Variants in AUH observed in about 807,000 individuals in gnomAD.
AUH encodes the protein AU RNA binding methylglutaconyl-CoA hydratase, also known as methylglutaconyl-CoA hydratase, mitochondrial.
In AUH, 29 loss-of-function variants were observed where a neutral mutation model predicts 42.3. The observed-to-expected ratio is 0.69, with a 90% CI of 0.51 to 0.93. The LOEUF is 0.93. Among genes scored for constraint, AUH ranks in the 40% least tolerant of loss-of-function variants. The pLI, the probability that AUH is intolerant of heterozygous loss-of-function variation, is 0.00. For synonymous variants in AUH, 174 were observed against 166.4 expected, an observed-to-expected ratio of 1.05 and a Z score of -0.35; for missense variants, 452 against 438.1, an observed-to-expected ratio of 1.03 and a Z score of -0.28.
intron 6 of AUH, among the ~76,000 whole-genome samples, chr9:91,222,643 C>T (rs1334414980): frequency 6.6e-6 from 1 of 152,134 alleles, no homozygotes; most frequent in Non-Finnish European, 1.5e-5. Flanking sequence ...ACGGGATAAG[C>T]TGCATGGAAA....
chr9:91,335,640 C>T lies in AUH; in HGVS notation c.419-10236G>A, dbSNP rs540950915. 2.0e-5 allele frequency among the ~76,000 whole-genome samples: 3 copies of T among 152,212 alleles called. No individual in the cohort carries two copies. The East Asian group carries it at 5.8e-4, about 29-fold the overall frequency. On this transcript the variant is annotated intron_variant, in intron 3 of 9. Transcript: ENST00000375731. ...ACATGCTTAGTTTATTCATTTTCAG[C>T]CTTTTTTCTTTCCTGAAGTCCAACC...
At chr9:91,344,886 G>T (rs1429378121) in intron 3 of AUH, among the ~76,000 whole-genome samples, 1 of 151,808 alleles carries the variant, frequency 6.6e-6, no homozygotes, top group Non-Finnish European at 1.5e-5. Flanking sequence ...TCTGTTCCAG[G>T]AATACACAAT....
chr9:91,311,233 C>A (rs555247754), intron 4 of AUH, among the ~76,000 whole-genome samples: 4 of 152,188 alleles, frequency 2.6e-5, no homozygotes, highest in East Asian at 3.9e-4. Context: ...TAAATTATTT[C>A]TTTCTATAAA....
At chr9:91,355,378 G>T (rs1004316084) in intron 3 of AUH, among the ~76,000 whole-genome samples, 1 of 152,116 alleles carries the variant, frequency 6.6e-6, no homozygotes, top group Non-Finnish European at 1.5e-5. Flanking sequence ...CCAACATGGT[G>T]AAATCCTGTC....
intron 6 of AUH, among the ~76,000 whole-genome samples, chr9:91,273,677 A>C (rs992026157): frequency 6.6e-6 from 1 of 152,236 alleles, no homozygotes; most frequent in South Asian, 2.1e-4. Context: ...AAGGCATCAA[A>C]AATAACATGC....
intron 4 of AUH, among the ~76,000 whole-genome samples, chr9:91,314,382 C>T (rs1401873621): frequency 6.6e-6 from 1 of 151,084 alleles, no homozygotes; most frequent in Non-Finnish European, 1.5e-5. Flanking sequence ...ACTCGGGAGG[C>T]TGAGGTGGGA....
chr9:91,310,191 C>A (rs904724413), intron 4 of AUH, among the ~76,000 whole-genome samples: 8 of 152,196 alleles, frequency 5.3e-5, no homozygotes, highest in African/African-American at 1.9e-4. Flanking sequence ...AACTGCTCCA[C>A]TCATGTTCAT....
At chr9:91,355,453 G>C (rs916322848) in intron 3 of AUH, among the ~76,000 whole-genome samples, 2 of 151,962 alleles carry the variant, frequency 1.3e-5, no homozygotes, top group Non-Finnish European at 2.9e-5. Flanking sequence ...GCTACTCGGG[G>C]GGCTGAGGCG....
chr9:91,276,968 T>G (rs1825595286), intron 6 of AUH, among the ~76,000 whole-genome samples: 1 of 152,202 alleles, frequency 6.6e-6, no homozygotes, highest in Admixed American at 6.5e-5. Context: ...GAAAATCGTT[T>G]GAGCCCAGGA....
chr9:91,339,221 GCTC>G (rs1386103934), intron 3 of AUH, among the ~76,000 whole-genome samples: 2 of 152,192 alleles, frequency 1.3e-5, no homozygotes, highest in African/African-American at 4.8e-5. Context: ...TTTTACAGAT[GCTC>G]CTCAACTTAA....
intron 4 of AUH, among the ~76,000 whole-genome samples, chr9:91,309,102 TC>T: frequency 6.6e-6 from 1 of 151,566 alleles, no homozygotes; most frequent in Non-Finnish European, 1.5e-5. Context: ...TTAACTTTTA[TC>T]TTAAATGTAT....
At position 91,355,990 on chromosome 9, in the gene AUH, A is replaced by T. The variant is rs1245059584; in HGVS notation, c.331-20T>A. ...TGATAGCTAAACAGAAATAGGAAGCATAGGAGGAAAAAGAGAAAAAAAAAA... is the reference window on the plus strand; with the variant it reads ...TGATAGCTAAACAGAAATAGGAAGCTTAGGAGGAAAAAGAGAAAAAAAAAA... On this transcript the variant is annotated intron_variant, in intron 2 of 9. Transcript: ENST00000375731. The T allele has an allele frequency of 4.4e-6, 7 of 1,604,988 alleles. No homozygotes were observed. Among genetic ancestry groups the T allele is most frequent in the Non-Finnish European group, 6.0e-6 (7 of 1,172,342 alleles).
At chr9:91,265,444 T>C (rs1283909512) in intron 6 of AUH, among the ~76,000 whole-genome samples, 3 of 152,226 alleles carry the variant, frequency 2.0e-5, no homozygotes, top group African/African-American at 7.2e-5. Flanking sequence ...AAGGCTCAGT[T>C]GTTTTTCTTT....
chr9:91,267,191 T>G (rs1830020218), intron 6 of AUH, among the ~76,000 whole-genome samples: 1 of 152,206 alleles, frequency 6.6e-6, no homozygotes, highest in South Asian at 2.1e-4. Context: ...TATGGCACTT[T>G]CCAGTTTACA....
At chr9:91,215,774 C>A (rs1273612886) in intron 9 of AUH, among the ~76,000 whole-genome samples, 2 of 152,108 alleles carry the variant, frequency 1.3e-5, no homozygotes, top group Non-Finnish European at 2.9e-5. Context: ...AGGACCAATC[C>A]CACAAAAGAA....
chr9:91,217,438 T>A, intron 7 of AUH, 111 bp from the exon 8 acceptor site: 1 of 1,176,560 alleles, frequency 8.5e-7, no homozygotes, highest in Middle Eastern at 1.9e-4. Context: ...CAGCCAGCAA[T>A]GGCTGTCAGA....
intron 6 of AUH, among the ~76,000 whole-genome samples, chr9:91,267,234 C>T (rs540059602): frequency 6.6e-6 from 1 of 152,184 alleles, no homozygotes; most frequent in South Asian, 2.1e-4. Flanking sequence ...AATATAATGT[C>T]TTTAAAAAAA....
rs1362379677 is a variant in AUH at position 91,361,878 on chromosome 9, C to T, written c.12G>A (p.Ala4=). MAA[A]VAAAPGALGS... ...CCAAGGCCCCAGGTGCCGCCGCCAC[C>T]GCGGCCGCCATGTTGTCTGTTTACG... Residue 4 remains alanine, a synonymous_variant, in exon 1 of 10, where the codon GCG becomes GCA. Transcript: ENST00000375731. The T allele has an allele frequency of 2.7e-6, 4 of 1,465,398 alleles. No individual in the cohort carries two copies. The African/African-American group carries it at 4.4e-5, about 16-fold the overall frequency. The allele number at this position is 1,465,398 out of a possible 1,614,324, so 90.8% of individuals were successfully genotyped here.
chr9:91,354,555 T>C (rs1423454495), intron 3 of AUH, among the ~76,000 whole-genome samples: 1 of 152,194 alleles, frequency 6.6e-6, no homozygotes, highest in Non-Finnish European at 1.5e-5. Context: ...TGCAGAAATC[T>C]AGAACAAATG....
Sources: allele counts gnomAD v4.1 joint callset (sites outside exome capture counted in the v4.1 genomes callset), GRCh38; gene constraint gnomAD v4.1.1; transcripts MANE v1.5; gene names NCBI Gene and HGNC (gene_info 2026-07-23, HGNC 2026-07-21).